Variants in BRINP3 observed in about 807,000 individuals in gnomAD.
BRINP3 encodes the protein BMP/retinoic acid-inducible neural-specific protein 3.
Under a neutral mutation model 71.0 loss-of-function variants are expected in BRINP3, and 19 were observed. The observed-to-expected ratio is 0.27, with a 90% CI of 0.19 to 0.39. The LOEUF (loss-of-function observed/expected upper bound fraction) is 0.39, where lower values mean the gene tolerates loss of function less well. BRINP3 is among the 10% of genes least tolerant of loss of function. The pLI, the probability that BRINP3 is intolerant of heterozygous loss-of-function variation, is 1.00. For synonymous variants in BRINP3, 380 were observed against 337.7 expected, an observed-to-expected ratio of 1.13 and a Z score of -1.37; for missense variants, 959 against 940.8, an observed-to-expected ratio of 1.02 and a Z score of -0.25.
chr1:190,238,881 C>T (rs1490285586), intron 4 of BRINP3, among the ~76,000 whole-genome samples: 1 of 152,094 alleles, frequency 6.6e-6, no homozygotes, highest in African/African-American at 2.4e-5. Flanking sequence ...TGTGTTAGTC[C>T]ATTTTCATAC....
chr1:190,313,009 A>T (rs997010552), intron 2 of BRINP3, among the ~76,000 whole-genome samples: 1 of 151,886 alleles, frequency 6.6e-6, no homozygotes, highest in Non-Finnish European at 1.5e-5. Flanking sequence ...TCAACTACAA[A>T]CTACACTGCA....
At chr1:190,337,210 A>T (rs1311855759) in intron 2 of BRINP3, among the ~76,000 whole-genome samples, 1 of 151,970 alleles carries the variant, frequency 6.6e-6, no homozygotes, top group Non-Finnish European at 1.5e-5. Context: ...ACTCCCAGAA[A>T]AAAAACGGAT....
intron 2 of BRINP3, among the ~76,000 whole-genome samples, chr1:190,418,533 C>T (rs921728577): frequency 2.0e-5 from 3 of 152,034 alleles, no homozygotes; most frequent in African/African-American, 7.2e-5. Flanking sequence ...CTGAACACAT[C>T]GTAGATATTC....
chr1:190,396,713 G>GAGATATATATAT (rs1553310921), intron 2 of BRINP3, among the ~76,000 whole-genome samples: 2 of 101,008 alleles, frequency 2.0e-5, no homozygotes, highest in African/African-American at 7.6e-5. Context: ...CTAATTTAAT[G>GAGATATATATAT]ATATATATAT....
chr1:190,447,701 T>C (rs1675324215), intron 2 of BRINP3, among the ~76,000 whole-genome samples: 1 of 150,868 alleles, frequency 6.6e-6, no homozygotes. Context: ...CATACGAAGA[T>C]GTTTAATTAT....
At chr1:190,473,539 T>C (rs575267978) in intron 1 of BRINP3, among the ~76,000 whole-genome samples, 27 of 127,588 alleles carry the variant, frequency 2.1e-4, no homozygotes, top group African/African-American at 7.1e-4. Flanking sequence ...GTAATTTTTC[T>C]CTTTTTTTTT....
intron 2 of BRINP3, among the ~76,000 whole-genome samples, chr1:190,372,595 C>T (rs755312733): frequency 1.9e-4 from 29 of 152,172 alleles, no homozygotes; most frequent in Non-Finnish European, 3.5e-4. Flanking sequence ...ACTTTCCCTT[C>T]AGCAATTGTT....
chr1:190,167,167 T>C (rs1049831178), intron 6 of BRINP3, among the ~76,000 whole-genome samples: 18 of 152,104 alleles, frequency 1.2e-4, no homozygotes, highest in African/African-American at 4.1e-4. Context: ...ATTTATCCGA[T>C]TAAGTGAGCT....
intron 2 of BRINP3, among the ~76,000 whole-genome samples, chr1:190,316,832 G>A (rs548618849): frequency 6.6e-6 from 1 of 152,186 alleles, no homozygotes; most frequent in Admixed American, 6.5e-5. Context: ...AAGAAAAAGA[G>A]TATGAAGGAC....
At chr1:190,375,235 C>T (rs1428027523) in intron 2 of BRINP3, among the ~76,000 whole-genome samples, 2 of 151,484 alleles carry the variant, frequency 1.3e-5, no homozygotes, top group East Asian at 2.0e-4. Context: ...TATACACACA[C>T]ATACAAATCA....
At chr1:190,252,320 T>C (rs904279187) in intron 4 of BRINP3, among the ~76,000 whole-genome samples, 7 of 152,036 alleles carry the variant, frequency 4.6e-5, no homozygotes, top group African/African-American at 1.2e-4. Context: ...CTGGAGACCA[T>C]GATGTAGAAT....
intron 2 of BRINP3, among the ~76,000 whole-genome samples, chr1:190,389,589 T>G (rs1671123439): frequency 6.6e-6 from 1 of 151,778 alleles, no homozygotes; most frequent in South Asian, 2.1e-4. Context: ...AGTAGCTATA[T>G]TTCATGCACT....
chr1:190,323,796 A>C (rs896762682), intron 2 of BRINP3, among the ~76,000 whole-genome samples: 1 of 151,922 alleles, frequency 6.6e-6, no homozygotes, highest in Non-Finnish European at 1.5e-5. Context: ...AGATATTGTA[A>C]GAGAAAAATC....
intron 2 of BRINP3, among the ~76,000 whole-genome samples, chr1:190,432,149 T>C (rs1441011553): frequency 6.6e-6 from 1 of 152,174 alleles, no homozygotes; most frequent in African/African-American, 2.4e-5. Context: ...AAACATAATC[T>C]TTCTATCCAT....
At chr1:190,240,097 C>T (rs4463673) in intron 4 of BRINP3, among the ~76,000 whole-genome samples, 58,170 of 151,248 alleles carry the variant, frequency 0.38, 12,549 homozygotes, top group Non-Finnish European at 0.49. Flanking sequence ...ACTAACTTGA[C>T]TAGGAACTAA....
intron 1 of BRINP3, among the ~76,000 whole-genome samples, chr1:190,470,710 C>A (rs1677079450): frequency 6.6e-6 from 1 of 150,928 alleles, no homozygotes; most frequent in Non-Finnish European, 1.5e-5. Flanking sequence ...CATTTTTCAC[C>A]ATCTCAATTG....
chr1:190,312,116 A>G (rs186812381), intron 2 of BRINP3, among the ~76,000 whole-genome samples: 2 of 145,664 alleles, frequency 1.4e-5, no homozygotes, highest in Non-Finnish European at 3.0e-5. Flanking sequence ...ACATTTAAAA[A>G]TTAAAGTATA....
At chr1:190,126,274 T>C (rs970974547) in intron 7 of BRINP3, among the ~76,000 whole-genome samples, 2 of 151,988 alleles carry the variant, frequency 1.3e-5, no homozygotes, top group African/African-American at 4.8e-5. Flanking sequence ...TCATAGAACA[T>C]TGGCTTTTCT....
rs3077327 is a variant in BRINP3, at chr1:190,396,713, GATAT to G, written c.236+57938_236+57941del. Among the ~76,000 whole-genome samples the G allele has an allele frequency of 5.0e-4, 51 of 101,008 alleles. 1 individual carries two copies. Among genetic ancestry groups the G allele is most frequent in the East Asian group, 1.2e-3 (4 of 3,302 alleles). The allele number at this position is 101,008 out of a possible 152,430, so 66.3% of individuals were successfully genotyped here. ...ACGCACTATGCATTCCTAATTTAAT[GATAT>G]ATATATATATATATATATATATGTA... On this transcript the variant is annotated intron_variant, in intron 2 of 7. Coordinates refer to ENST00000367462, the MANE Select transcript of BRINP3 (RefSeq NM_199051.3).
Sources: gnomAD v4.1 joint callset for allele counts (sites outside exome capture counted in the v4.1 genomes callset) on GRCh38, gnomAD v4.1.1 for gene constraint, MANE v1.5 for transcripts, NCBI Gene and HGNC (gene_info 2026-07-23, HGNC 2026-07-21) for gene names.